The following B3GLCT variants were observed in gnomAD, a reference collection of about 807,000 sequenced individuals.
B3GLCT encodes beta-1,3-glucosyltransferase.
Under a neutral mutation model 63.4 loss-of-function variants are expected in B3GLCT, and 65 were observed. The observed-to-expected ratio is 1.03, with a 90% CI of 0.84 to 1.26. The LOEUF (loss-of-function observed/expected upper bound fraction) is 1.26, where lower values mean the gene tolerates loss of function less well. B3GLCT is among the 50% of genes most tolerant of loss of function. The pLI, the probability that B3GLCT is intolerant of heterozygous loss-of-function variation, is 0.00. For missense variants in B3GLCT, 577 were observed against 604.8 expected (o/e 0.95, Z 0.48); for synonymous variants, 233 against 219.2 (o/e 1.06, Z -0.55).
chr13:31,237,125 CAA>C (rs56194545), intron 4 of B3GLCT, among the ~76,000 whole-genome samples: 16 of 139,240 alleles, frequency 1.1e-4, no homozygotes, highest in Non-Finnish European at 1.7e-4. Flanking sequence ...GACTCCATCT[CAA>C]AAAAAAAAAA....
chr13:31,271,115 T>G (rs887626291), intron 8 of B3GLCT, among the ~76,000 whole-genome samples: 3 of 152,240 alleles, frequency 2.0e-5, no homozygotes, highest in African/African-American at 7.2e-5. Context: ...CAGGCATGCC[T>G]AGGCAAACCC....
intron 13 of B3GLCT, among the ~76,000 whole-genome samples, chr13:31,322,790 G>T (rs1049166182): frequency 2.0e-5 from 3 of 152,002 alleles, no homozygotes; most frequent in Non-Finnish European, 4.4e-5. Context: ...AAGAAAAAAA[G>T]CATTTTTACT....
intron 1 of B3GLCT, 76 bp from the exon 2 acceptor site, chr13:31,214,974 GC>G (rs1869475626): frequency 7.3e-7 from 1 of 1,368,648 alleles, no homozygotes; most frequent in Non-Finnish European, 1.0e-6. Flanking sequence ...TTTATTATAA[GC>G]AAAACTGTTG....
At chr13:31,317,808 C>A in intron 13 of B3GLCT, 123 bp downstream of exon 13, 1 of 1,178,958 alleles carries the variant, frequency 8.5e-7, no homozygotes, top group Non-Finnish European at 1.2e-6. Flanking sequence ...GTGGTTGTTA[C>A]TATAATAGGA....
In B3GLCT at chr13:31,269,203, C is replaced by T. The variant is rs763417135; in HGVS notation, c.597-11C>T. Reference sequence around the variant, plus strand: ...TTGGTTAAAAAAAATCAAATTGTCTCTATTTTCTAGGCTTACCAAGAGACT... The same window carrying T: ...TTGGTTAAAAAAAATCAAATTGTCTTTATTTTCTAGGCTTACCAAGAGACT... On this transcript the variant is annotated splice_polypyrimidine_tract_variant and intron_variant, in intron 7 of 14. Coordinates refer to ENST00000343307, the MANE Select transcript of B3GLCT (RefSeq NM_194318.4). The T allele has an allele frequency of 6.3e-7, 1 of 1,598,382 alleles. No homozygotes were observed.
intron 1 of B3GLCT, among the ~76,000 whole-genome samples, chr13:31,202,821 T>G (rs780013325): frequency 3.3e-5 from 5 of 152,090 alleles, no homozygotes; most frequent in Non-Finnish European, 7.4e-5. Context: ...GACCATGAGG[T>G]GACCTTGAAG....
At chr13:31,251,655 A>G (rs1871431511) in intron 6 of B3GLCT, among the ~76,000 whole-genome samples, 1 of 151,844 alleles carries the variant, frequency 6.6e-6, no homozygotes, top group African/African-American at 2.4e-5. Flanking sequence ...AAGCAAGAAG[A>G]CAAGATTAGA....
At chr13:31,219,153 C>T (rs1025190065) in intron 2 of B3GLCT, among the ~76,000 whole-genome samples, 1 of 152,016 alleles carries the variant, frequency 6.6e-6, no homozygotes, top group Admixed American at 6.6e-5. Flanking sequence ...AAAAAGAAAA[C>T]GTCAGGCCAG....
At chr13:31,319,982 C>T (rs1021891090) in intron 13 of B3GLCT, among the ~76,000 whole-genome samples, 2 of 152,162 alleles carry the variant, frequency 1.3e-5, no homozygotes, top group African/African-American at 4.8e-5. Flanking sequence ...CATTTTATTT[C>T]CTAAATCTCT....
At chr13:31,244,736 C>CAT (rs1214805948) in intron 4 of B3GLCT, among the ~76,000 whole-genome samples, 258 of 151,860 alleles carry the variant, frequency 1.7e-3, no homozygotes, top group Middle Eastern at 6.8e-3. Flanking sequence ...TGTGTGCATT[C>CAT]ATATATATAT....
chr13:31,288,218 C>A (rs938647385), intron 12 of B3GLCT, among the ~76,000 whole-genome samples: 1 of 152,130 alleles, frequency 6.6e-6, no homozygotes, highest in African/African-American at 2.4e-5. Flanking sequence ...ACCCACTGCC[C>A]CACTCTAGGC....
intron 1 of B3GLCT, among the ~76,000 whole-genome samples, chr13:31,210,060 G>T (rs922903649): frequency 6.6e-6 from 1 of 152,172 alleles, no homozygotes; most frequent in East Asian, 1.9e-4. Flanking sequence ...GCACTCCGGG[G>T]CTTAGGCTGG....
At chr13:31,286,626 C>A in intron 11 of B3GLCT, 94 bp from the exon 12 acceptor site, 1 of 895,632 alleles carries the variant, frequency 1.1e-6, no homozygotes, top group South Asian at 1.6e-5. Context: ...GGCATGTAAG[C>A]TCTTAGAACA....
intron 12 of B3GLCT, among the ~76,000 whole-genome samples, chr13:31,293,055 A>G (rs2203089): frequency 0.93 from 141,570 of 152,274 alleles, 66,481 homozygotes; most frequent in East Asian, 1. Context: ...CCTAAATTTC[A>G]TTACTTACCC....
At chr13:31,276,199 G>A (rs1566076622) in intron 9 of B3GLCT, among the ~76,000 whole-genome samples, 4 of 152,074 alleles carry the variant, frequency 2.6e-5, no homozygotes, top group African/African-American at 2.4e-5. Flanking sequence ...CTAGACTTGG[G>A]TCGCCAGTAA....
At chr13:31,236,436 T>C (rs1017652365) in intron 4 of B3GLCT, among the ~76,000 whole-genome samples, 42 of 152,334 alleles carry the variant, frequency 2.8e-4, no homozygotes, top group Non-Finnish European at 4.6e-4. Flanking sequence ...TTTAAAGGCA[T>C]GTAATTAACC....
chr13:31,202,951 T>C (rs1249319287), intron 1 of B3GLCT, among the ~76,000 whole-genome samples: 1 of 152,232 alleles, frequency 6.6e-6, no homozygotes, highest in Non-Finnish European at 1.5e-5. Flanking sequence ...TGCATGAGAT[T>C]ATATGCAGCC....
intron 3 of B3GLCT, among the ~76,000 whole-genome samples, chr13:31,224,094 G>A (rs1199680498): frequency 6.6e-6 from 1 of 152,214 alleles, no homozygotes; most frequent in African/African-American, 2.4e-5. Flanking sequence ...GCCCCCGGGT[G>A]GAAGTGGGAG....
At chr13:31,210,021 G>A (rs1420849548) in intron 1 of B3GLCT, among the ~76,000 whole-genome samples, 1 of 152,166 alleles carries the variant, frequency 6.6e-6, no homozygotes, top group East Asian at 1.9e-4. Flanking sequence ...GCTTAAATGT[G>A]TTGCAATTAA....
Sources: gnomAD v4.1 joint callset for allele counts (sites outside exome capture counted in the v4.1 genomes callset) on GRCh38, gnomAD v4.1.1 for gene constraint, MANE v1.5 for transcripts, NCBI Gene and HGNC (gene_info 2026-07-23, HGNC 2026-07-21) for gene names.